The following FBLN1 variants were observed in gnomAD, a reference collection of about 807,000 sequenced individuals.
The protein encoded by FBLN1 is fibulin 1, also known as fibulin-1.
In FBLN1, 34 loss-of-function variants were observed where a neutral mutation model predicts 89.7. That is an observed-to-expected ratio of 0.38 (90% CI 0.29 to 0.50). The LOEUF is 0.50. FBLN1 is among the 20% of genes least tolerant of loss of function. The probability of loss-of-function intolerance (pLI) is 0.92; values close to 1 mark genes in which losing one functional copy is unlikely to be tolerated. For synonymous variants in FBLN1, 393 were observed against 391.3 expected (o/e 1.00, Z -0.05); for missense variants, 777 against 988.1 (o/e 0.79, Z 2.86).
rs1266067060 is a variant in FBLN1 at position 45,578,647 on chromosome 22, T to A, written c.1972+1539T>A. Among the ~76,000 whole-genome samples, 1 of 133,226 alleles carries A rather than the reference T, an allele frequency of 7.5e-6. No homozygotes were observed. The highest frequency in any genetic ancestry group is 2.8e-5 in the African/African-American group (1 of 36,258). 87.4% of individuals were successfully genotyped at this position (133,226 alleles called of 152,430 possible). ...GGGTCAGGGCTTTGTCCTGTCCCACTGGGTGGGTGGGGTATGCACCCTGAC... is the reference window on the plus strand; with the variant it reads ...GGGTCAGGGCTTTGTCCTGTCCCACAGGGTGGGTGGGGTATGCACCCTGAC... On this transcript the variant is annotated intron_variant, in intron 16 of 16. Coordinates refer to ENST00000327858, the MANE Select transcript of FBLN1 (RefSeq NM_006486.3). The surrounding 1 kb of genome is among the most constrained non-coding windows in gnomAD (Gnocchi z 4.6).
At chr22:45,534,353 C>T (rs1198611113) in intron 7 of FBLN1, among the ~76,000 whole-genome samples, 1 of 140,452 alleles carries the variant, frequency 7.1e-6, no homozygotes, top group Non-Finnish European at 1.5e-5. Flanking sequence ...TGTTTTTGCA[C>T]AACAGCTGCC....
At chr22:45,507,178 G>T (rs1006504838) in intron 1 of FBLN1, among the ~76,000 whole-genome samples, 1 of 152,194 alleles carries the variant, frequency 6.6e-6, no homozygotes, top group African/African-American at 2.4e-5. Context: ...CTAGAGCTGG[G>T]CTGGGCCCCA....
chr22:45,546,720 C>T (rs940153465), intron 11 of FBLN1, among the ~76,000 whole-genome samples: 2 of 152,102 alleles, frequency 1.3e-5, no homozygotes, highest in African/African-American at 2.4e-5. Flanking sequence ...CCTTGTGTGC[C>T]GTCATCTGTT....
intron 14 of FBLN1, among the ~76,000 whole-genome samples, chr22:45,567,908 C>T (rs1037193522): frequency 1.3e-5 from 2 of 152,064 alleles, no homozygotes; most frequent in African/African-American, 2.4e-5. Flanking sequence ...AACTGGGAGG[C>T]GTTTTCCTCA....
chr22:45,551,441 A>G (rs530668415), intron 14 of FBLN1, among the ~76,000 whole-genome samples: 1 of 152,334 alleles, frequency 6.6e-6, no homozygotes, highest in East Asian at 1.9e-4. Context: ...CCTGAGGGTC[A>G]GTGGTAGTGT....
chr22:45,524,021 C>T (rs577866422), intron 2 of FBLN1, among the ~76,000 whole-genome samples: 19 of 152,258 alleles, frequency 1.2e-4, no homozygotes, highest in African/African-American at 4.3e-4. Context: ...TTTAGTGAAA[C>T]GCCGTTATTT....
intron 16 of FBLN1, among the ~76,000 whole-genome samples, chr22:45,584,302 C>A (rs1601538989): frequency 6.6e-6 from 1 of 152,306 alleles, no homozygotes; most frequent in East Asian, 1.9e-4. Context: ...TGTCAACGCG[C>A]TCCTGCAGCA....
intron 1 of FBLN1, among the ~76,000 whole-genome samples, chr22:45,510,298 T>A (rs1171658172): frequency 6.6e-6 from 1 of 152,158 alleles, no homozygotes; most frequent in Non-Finnish European, 1.5e-5. Context: ...CCTGCTTTGC[T>A]TTCACCCTAT....
chr22:45,568,547 C>CCTTCTGTAGGGGAATGCCT (rs1569260115), intron 14 of FBLN1, among the ~76,000 whole-genome samples: 12 of 95,114 alleles, frequency 1.3e-4, no homozygotes, highest in African/African-American at 8.0e-4. Flanking sequence ...GGGGAATGCT[C>CCTTCTGTAGGGGAATGCCT]CTTCTGTAGG....
chr22:45,569,526 C>A (rs75544592), intron 14 of FBLN1, among the ~76,000 whole-genome samples: 1 of 152,020 alleles, frequency 6.6e-6, no homozygotes, highest in Non-Finnish European at 1.5e-5. Context: ...GTAATCTCAG[C>A]GACTTGGGAG....
intron 1 of FBLN1, among the ~76,000 whole-genome samples, chr22:45,509,323 G>T (rs1046960252): frequency 3.3e-5 from 5 of 152,184 alleles, no homozygotes; most frequent in Admixed American, 2.0e-4. Context: ...AATGCTTCTC[G>T]CCTTCCCAGA....
chr22:45,511,828 A>C (rs1174578335), intron 1 of FBLN1, among the ~76,000 whole-genome samples: 1 of 152,142 alleles, frequency 6.6e-6, no homozygotes, highest in Non-Finnish European at 1.5e-5. Context: ...AAGGCTGAGC[A>C]GTTTTAACCC....
In FBLN1 at chr22:45,550,768, C is replaced by A; in HGVS notation, c.1697+153C>A. On this transcript the variant is annotated intron_variant, in intron 14 of 16. Transcript: ENST00000327858. This position sits in a 1 kb window ranked among gnomAD's most constrained non-coding sequence, Gnocchi z 8.4. ...GATCACCTGATCCCTGGCCCTCAAGCCCCTAAATGCTAGTGACACTGGTCT... is the reference window on the plus strand; with the variant it reads ...GATCACCTGATCCCTGGCCCTCAAGACCCTAAATGCTAGTGACACTGGTCT... The A allele has an allele frequency of 9.2e-7, 1 of 1,091,028 alleles. No homozygotes were observed. The highest frequency in any genetic ancestry group is 1.4e-6 in the Non-Finnish European group (1 of 722,602). 67.6% of individuals were successfully genotyped at this position (1,091,028 alleles called of 1,614,324 possible). A position where few individuals can be genotyped will look rare whatever the true frequency, so the allele number is the denominator to read the frequency against.
At chr22:45,507,485 C>T (rs2088037916) in intron 1 of FBLN1, among the ~76,000 whole-genome samples, 1 of 152,102 alleles carries the variant, frequency 6.6e-6, no homozygotes. Context: ...TCTCAGCAGC[C>T]CTACGAAATA....
intron 14 of FBLN1, among the ~76,000 whole-genome samples, chr22:45,560,304 A>G (rs1569256675): frequency 6.6e-6 from 1 of 152,212 alleles, no homozygotes; most frequent in Non-Finnish European, 1.5e-5. Context: ...CAAGACGAGC[A>G]ATTACAGGGC....
At chr22:45,534,182 T>A (rs2146970178) in intron 7 of FBLN1, among the ~76,000 whole-genome samples, 1 of 149,420 alleles carries the variant, frequency 6.7e-6, no homozygotes, top group Middle Eastern at 3.4e-3. Flanking sequence ...ATTTACGTTC[T>A]TATGGTGCAG....
chr22:45,542,022 T>C (rs1488395590), intron 9 of FBLN1, 133 bp from the exon 10 acceptor site: 5 of 1,364,848 alleles, frequency 3.7e-6, no homozygotes, highest in Non-Finnish European at 5.2e-6. Flanking sequence ...GTAGGTGCTC[T>C]GTGAAGTCGT....
At position 45,525,586 on chromosome 22, in the gene FBLN1, C is replaced by T. The variant is rs2088315768; in HGVS notation, c.229C>T (p.His77Tyr). Reference protein sequence around the residue: ...QCCHSQLEELHCATGISLANE... With the variant: ...QCCHSQLEELYCATGISLANE... ...CTGCCACAGCCAGCTGGAGGAGCTG[C>T]ACTGTGCCACGGGCATCAGCCTGGC... Residue 77 changes from histidine to tyrosine, a missense_variant, in exon 3 of 17, where the codon CAC becomes TAC. By Grantham distance (83) the His-to-Tyr change is moderately conservative (BLOSUM62 2). Transcript: ENST00000327858. 3 of 1,550,152 alleles carry T rather than the reference C, an allele frequency of 1.9e-6. No homozygotes were observed. Among genetic ancestry groups the T allele is most frequent in the African/African-American group, 1.4e-5 (1 of 73,036 alleles).
chr22:45,547,974 C>T (rs9614489), intron 12 of FBLN1, among the ~76,000 whole-genome samples: 7 of 152,148 alleles, frequency 4.6e-5, no homozygotes, highest in Non-Finnish European at 8.8e-5. Flanking sequence ...GAGGATTAAA[C>T]TAGATGACAG....
Sources: allele counts gnomAD v4.1 joint callset (sites outside exome capture counted in the v4.1 genomes callset), GRCh38; gene constraint gnomAD v4.1.1; non-coding constraint Gnocchi (gnomAD v3.1); transcripts MANE v1.5; gene names NCBI Gene and HGNC (gene_info 2026-07-23, HGNC 2026-07-21).